Variants in GRM7 observed in about 807,000 individuals in gnomAD.
GRM7 encodes metabotropic glutamate receptor 7.
In GRM7, 35 loss-of-function variants were observed where a neutral mutation model predicts 84.5. The ratio of observed to expected loss-of-function variants is 0.41; its 90% CI spans 0.32 to 0.55. GRM7 has a LOEUF of 0.55. Among genes scored for constraint, GRM7 ranks in the 20% least tolerant of loss-of-function variants. The pLI is 0.19. For synonymous variants in GRM7, 487 were observed against 455.1 expected, an observed-to-expected ratio of 1.07 and a Z score of -0.89; for missense variants, 1,003 against 1,194.6, an observed-to-expected ratio of 0.84 and a Z score of 2.36.
At chr3:7,516,266 A>G (rs1261573804) in intron 7 of GRM7, among the ~76,000 whole-genome samples, 1 of 151,040 alleles carries the variant, frequency 6.6e-6, no homozygotes, top group Non-Finnish European at 1.5e-5. Flanking sequence ...TCATAAGGTC[A>G]GTACATCAAG....
intron 1 of GRM7, among the ~76,000 whole-genome samples, chr3:7,075,496 ATGTGTGTGTGTGTGTGTGTG>A (rs376048569): frequency 0.017 from 2,297 of 138,582 alleles, 32 homozygotes; most frequent in African/African-American, 0.034. Context: ...TGCTTCTCAG[ATGTGTGTGTGTGTGTGTGTG>A]TGTGTGTGTG....
chr3:7,190,499 C>T (rs1388535427), intron 2 of GRM7, among the ~76,000 whole-genome samples: 2 of 152,042 alleles, frequency 1.3e-5, no homozygotes, highest in African/African-American at 4.8e-5. Context: ...CTCTGTTTGC[C>T]TGAATTTGGA....
chr3:7,189,169 T>C (rs1695622605), intron 2 of GRM7, among the ~76,000 whole-genome samples: 1 of 152,204 alleles, frequency 6.6e-6, no homozygotes, highest in African/African-American at 2.4e-5. Flanking sequence ...TATGTATATA[T>C]GTGGACATGT....
chr3:6,969,096 T>TG (rs1693637977), intron 1 of GRM7, among the ~76,000 whole-genome samples: 1 of 150,568 alleles, frequency 6.6e-6, no homozygotes, highest in Admixed American at 6.7e-5. Context: ...GTGTTTTTTT[T>TG]TTCTTTCTTG....
chr3:7,245,780 G>T (rs1470209984), intron 2 of GRM7, among the ~76,000 whole-genome samples: 1 of 151,974 alleles, frequency 6.6e-6, no homozygotes, highest in African/African-American at 2.4e-5. Flanking sequence ...AGAAATCCTT[G>T]TCTATTTTTT....
At chr3:7,397,176 G>A (rs547736539) in intron 4 of GRM7, among the ~76,000 whole-genome samples, 7 of 152,238 alleles carry the variant, frequency 4.6e-5, no homozygotes, top group African/African-American at 1.4e-4. Flanking sequence ...ACAAGATAAA[G>A]AAGAAACAAA....
chr3:7,302,746 A>G (rs1382843486), intron 3 of GRM7, among the ~76,000 whole-genome samples: 3 of 151,834 alleles, frequency 2.0e-5, no homozygotes, highest in South Asian at 2.1e-4. Flanking sequence ...AACTAAGTAT[A>G]TTTGTAATTG....
At chr3:7,118,361 G>A (rs1693110825) in intron 1 of GRM7, among the ~76,000 whole-genome samples, 1 of 151,814 alleles carries the variant, frequency 6.6e-6, no homozygotes, top group Admixed American at 6.6e-5. Context: ...CCATCCTCCA[G>A]CTTGGGCAAC....
chr3:7,011,209 C>T (rs985962321), intron 1 of GRM7, among the ~76,000 whole-genome samples: 6 of 152,130 alleles, frequency 3.9e-5, no homozygotes, highest in African/African-American at 1.4e-4. Flanking sequence ...CTCATATACA[C>T]GTCAGAATGG....
At chr3:6,954,595 C>T (rs1692945981) in intron 1 of GRM7, among the ~76,000 whole-genome samples, 1 of 151,960 alleles carries the variant, frequency 6.6e-6, no homozygotes, top group East Asian at 1.9e-4. Flanking sequence ...AAATCAAGGC[C>T]CAGCTTGAAT....
chr3:6,925,239 A>T (rs1410710877), intron 1 of GRM7, among the ~76,000 whole-genome samples: 1 of 152,188 alleles, frequency 6.6e-6, no homozygotes, highest in African/African-American at 2.4e-5. Context: ...TCCATTAAGG[A>T]GATTGATGTC....
chr3:7,112,626 T>A (rs1484638175), intron 1 of GRM7, among the ~76,000 whole-genome samples: 1 of 152,148 alleles, frequency 6.6e-6, no homozygotes, highest in Non-Finnish European at 1.5e-5. Context: ...CAGCCTGGTG[T>A]GTGGCAGCCC....
intron 2 of GRM7, among the ~76,000 whole-genome samples, chr3:7,269,731 A>G (rs1365183052): frequency 6.6e-6 from 1 of 152,172 alleles, no homozygotes; most frequent in African/African-American, 2.4e-5. Flanking sequence ...CAGGACTATG[A>G]GCAAATCCAG....
At chr3:7,714,969 A>G (rs543830896) in intron 9 of GRM7, among the ~76,000 whole-genome samples, 108 of 152,330 alleles carry the variant, frequency 7.1e-4, no homozygotes, top group Non-Finnish European at 1.1e-3. Context: ...AGCCAAAGCA[A>G]TGGCTGAACC....
At chr3:7,225,293 T>A (rs1696946113) in intron 2 of GRM7, among the ~76,000 whole-genome samples, 1 of 150,954 alleles carries the variant, frequency 6.6e-6, no homozygotes, top group African/African-American at 2.4e-5. Flanking sequence ...TGTGACTATA[T>A]CATTTTCACC....
intron 1 of GRM7, among the ~76,000 whole-genome samples, chr3:7,068,500 A>G (rs1478334759): frequency 1.3e-5 from 2 of 152,008 alleles, no homozygotes; most frequent in African/African-American, 4.8e-5. Flanking sequence ...ATGATCTTCT[A>G]TAAGAACCGG....
At chr3:7,058,942 C>T (rs1235204737) in intron 1 of GRM7, among the ~76,000 whole-genome samples, 3 of 151,842 alleles carry the variant, frequency 2.0e-5, no homozygotes, top group Non-Finnish European at 2.9e-5. Context: ...AGGCTATGAC[C>T]TAATGCTTGC....
At chr3:7,042,577 C>A (rs1351284705) in intron 1 of GRM7, among the ~76,000 whole-genome samples, 1 of 152,094 alleles carries the variant, frequency 6.6e-6, no homozygotes, top group Non-Finnish European at 1.5e-5. Flanking sequence ...TCTTCAAATG[C>A]ACCAATATTC....
At chr3:7,696,921 A>G (rs1348822146) in intron 9 of GRM7, among the ~76,000 whole-genome samples, 1 of 152,168 alleles carries the variant, frequency 6.6e-6, no homozygotes, top group African/African-American at 2.4e-5. Flanking sequence ...AGCTAGTAAG[A>G]AGAGCCAGCA....
Sources: gnomAD v4.1 joint callset for allele counts (sites outside exome capture counted in the v4.1 genomes callset) on GRCh38, gnomAD v4.1.1 for gene constraint, MANE v1.5 for transcripts, NCBI Gene and HGNC (gene_info 2026-07-23, HGNC 2026-07-21) for gene names.